MARCHF1: variants seen among roughly 807,000 people sequenced by gnomAD.
MARCHF1 encodes E3 ubiquitin-protein ligase MARCHF1.
Under a neutral mutation model 54.2 loss-of-function variants are expected in MARCHF1, and 40 were observed. The ratio of observed to expected loss-of-function variants is 0.74; its 90% CI spans 0.57 to 0.96. The LOEUF is 0.96. MARCHF1 is among the 40% of genes least tolerant of loss of function. MARCHF1 has a pLI of 0.00. For missense variants in MARCHF1, 586 were observed against 656.5 expected, an observed-to-expected ratio of 0.89 and a Z score of 1.17; for synonymous variants, 236 against 236.3, an observed-to-expected ratio of 1.00 and a Z score of 0.01.
intron 1 of MARCHF1, among the ~76,000 whole-genome samples, chr4:164,337,045 A>T (rs1229237287): frequency 6.6e-6 from 1 of 152,100 alleles, no homozygotes; most frequent in Non-Finnish European, 1.5e-5. Flanking sequence ...AGAGAAAGGA[A>T]AGGGAGGAGA....
At chr4:163,881,008 G>A (rs1401384208) in intron 3 of MARCHF1, among the ~76,000 whole-genome samples, 2 of 152,092 alleles carry the variant, frequency 1.3e-5, no homozygotes, top group Non-Finnish European at 2.9e-5. Flanking sequence ...ATTAAATTAG[G>A]AATAGGGATA....
At chr4:163,879,782 T>C (rs1750373518) in intron 3 of MARCHF1, among the ~76,000 whole-genome samples, 1 of 149,084 alleles carries the variant, frequency 6.7e-6, no homozygotes, top group African/African-American at 2.5e-5. Context: ...AAAAATCATT[T>C]GTTAAAGAAA....
intron 1 of MARCHF1, among the ~76,000 whole-genome samples, chr4:164,159,820 T>A (rs1579583359): frequency 6.6e-6 from 1 of 152,186 alleles, no homozygotes; most frequent in Non-Finnish European, 1.5e-5. Context: ...GCATTGGAGC[T>A]AAACCGCCAC....
intron 2 of MARCHF1, among the ~76,000 whole-genome samples, chr4:164,049,081 C>T (rs1470971401): frequency 6.6e-6 from 1 of 152,130 alleles, no homozygotes; most frequent in Non-Finnish European, 1.5e-5. Flanking sequence ...AAAGATACTA[C>T]CTGAGAATGT....
intron 1 of MARCHF1, among the ~76,000 whole-genome samples, chr4:164,225,088 G>A (rs1376729058): frequency 1.3e-5 from 2 of 151,988 alleles, no homozygotes; most frequent in Non-Finnish European, 2.9e-5. Flanking sequence ...GCTCTATGGT[G>A]TAAGTCTCCC....
intron 1 of MARCHF1, among the ~76,000 whole-genome samples, chr4:164,236,687 G>A (rs1690867088): frequency 6.6e-6 from 1 of 152,086 alleles, no homozygotes; most frequent in African/African-American, 2.4e-5. Flanking sequence ...CAAGTGCCAA[G>A]GGTATTGATT....
In MARCHF1 at chr4:163,526,326, A is replaced by T. The variant is rs1738103850; in HGVS notation, c.*2422T>A. On this transcript the variant is annotated 3_prime_UTR_variant, in exon 10 of 10. Transcript: ENST00000514618. ...GTTTAGGTTCGTACAGAATTTAAAC[A>T]ATATTTTCCATGTTAATTAAAGTAA... 6.6e-6 allele frequency: 1 copy of T among 152,132 alleles called. No homozygotes were observed. The highest frequency in any genetic ancestry group is 2.4e-5 in the African/African-American group (1 of 41,452). 9.4% of individuals were successfully genotyped at this position (152,132 alleles called of 1,614,324 possible).
In MARCHF1 at chr4:164,118,492, T is replaced by C. The variant is rs138202045; in HGVS notation, c.-322-6830A>G. On this transcript the variant is annotated intron_variant, in intron 1 of 9. Coordinates refer to ENST00000514618, the MANE Select transcript of MARCHF1 (RefSeq NM_001394959.1). ...GATAAATATCAAAAGAAATACAAAATAGAACAAGGAGAAAATCTAATATAG... is the reference window on the plus strand; with the variant it reads ...GATAAATATCAAAAGAAATACAAAACAGAACAAGGAGAAAATCTAATATAG... Among the ~76,000 whole-genome samples, 530 of 150,798 alleles carry C rather than the reference T, an allele frequency of 3.5e-3. 10 individuals carry two copies. The highest frequency in any genetic ancestry group is 0.012 in the African/African-American group (496 of 41,280).
intron 1 of MARCHF1, among the ~76,000 whole-genome samples, chr4:164,275,459 G>C (rs908687003): frequency 1.3e-4 from 18 of 139,610 alleles, no homozygotes; most frequent in East Asian, 9.7e-4. Flanking sequence ...TCCTTGAGTG[G>C]GGGAAAGGTT....
At chr4:163,752,201 A>G (rs1746540866) in intron 4 of MARCHF1, among the ~76,000 whole-genome samples, 1 of 152,210 alleles carries the variant, frequency 6.6e-6, no homozygotes. Context: ...TAAATGCAAC[A>G]CCTAAATGCA....
chr4:164,106,165 G>A (rs1755692800), intron 2 of MARCHF1, among the ~76,000 whole-genome samples: 1 of 147,770 alleles, frequency 6.8e-6, no homozygotes. Context: ...TACACTGTTG[G>A]TGGGAATGTA....
intron 1 of MARCHF1, among the ~76,000 whole-genome samples, chr4:164,308,461 T>C (rs1339398329): frequency 1.3e-5 from 2 of 151,826 alleles, no homozygotes; most frequent in Non-Finnish European, 2.9e-5. Flanking sequence ...GTAAGCAAGA[T>C]CATTTTCCTT....
intron 3 of MARCHF1, among the ~76,000 whole-genome samples, chr4:163,863,460 C>A (rs775149985): frequency 5.3e-5 from 8 of 151,932 alleles, no homozygotes; most frequent in Non-Finnish European, 1.0e-4. Flanking sequence ...AGTAGAAGAT[C>A]GGGTTTTTAA....
At chr4:163,905,622 A>G (rs1035758052) in intron 3 of MARCHF1, among the ~76,000 whole-genome samples, 1 of 152,092 alleles carries the variant, frequency 6.6e-6, no homozygotes, top group African/African-American at 2.4e-5. Flanking sequence ...ATCCTCGAAG[A>G]TATTGCTCTG....
chr4:163,989,527 C>A (rs946946937), intron 2 of MARCHF1, among the ~76,000 whole-genome samples: 7 of 152,104 alleles, frequency 4.6e-5, no homozygotes, highest in African/African-American at 1.7e-4. Flanking sequence ...AGCAGCTTCT[C>A]CTTGCTTTTC....
chr4:163,927,991 CT>C (rs1451622231), intron 3 of MARCHF1, among the ~76,000 whole-genome samples: 2 of 151,796 alleles, frequency 1.3e-5, no homozygotes, highest in African/African-American at 4.8e-5. Flanking sequence ...TCCAAGTTCT[CT>C]TTTTTTAATG....
chr4:164,221,499 GATAA>G (rs1016283606), intron 1 of MARCHF1, among the ~76,000 whole-genome samples: 2 of 151,604 alleles, frequency 1.3e-5, no homozygotes, highest in African/African-American at 4.8e-5. Flanking sequence ...CCACATAAAA[GATAA>G]ATAAAAAATA....
At chr4:164,225,918 A>T (rs1732240433) in intron 1 of MARCHF1, among the ~76,000 whole-genome samples, 1 of 152,062 alleles carries the variant, frequency 6.6e-6, no homozygotes, top group African/African-American at 2.4e-5. Flanking sequence ...TGTTTTCTTA[A>T]CCTATGCAAA....
rs867859723 is a variant in MARCHF1, at chr4:163,912,067, T to A, written c.-38-57898A>T. On this transcript the variant is annotated intron_variant, in intron 3 of 9. Coordinates refer to ENST00000514618, the MANE Select transcript of MARCHF1 (RefSeq NM_001394959.1). ...TATTAAGTCATCAGGAATGCAGGGT[T>A]TTTTTTTTTTTTTCCATGTTTTAGT... Among the ~76,000 whole-genome samples the A allele has an allele frequency of 7.8e-4, 5 of 6,430 alleles. No homozygotes were observed. In the Non-Finnish European group the frequency reaches 8.5e-3, roughly 11 times the overall value. 4.2% of individuals were successfully genotyped at this position (6,430 alleles called of 152,430 possible).
Sources: allele counts gnomAD v4.1 joint callset (sites outside exome capture counted in the v4.1 genomes callset), GRCh38; gene constraint gnomAD v4.1.1; transcripts MANE v1.5; gene names NCBI Gene and HGNC (gene_info 2026-07-23, HGNC 2026-07-21).